KLRG1: variants seen among roughly 807,000 people sequenced by gnomAD.
The protein encoded by KLRG1 is killer cell lectin-like receptor subfamily G member 1.
A neutral mutation model predicts 21.8 loss-of-function variants in KLRG1; 16 were observed. That is an observed-to-expected ratio of 0.73 (90% confidence interval 0.50 to 1.11). The LOEUF (loss-of-function observed/expected upper bound fraction) is 1.11, where lower values mean the gene tolerates loss of function less well. Ranked by LOEUF, KLRG1 falls within the 50% of genes most tolerant of loss-of-function variation. The probability of loss-of-function intolerance (pLI) is 0.00; values close to 1 mark genes in which losing one functional copy is unlikely to be tolerated. For synonymous variants in KLRG1, 69 were observed against 75.9 expected (o/e 0.91, Z 0.47); for missense variants, 173 against 218.3 (o/e 0.79, Z 1.31).
chr12:9,069,862 T>C, the KLRG1 span: 1 of 1,552,196 alleles, frequency 6.4e-7, no homozygotes, highest in African/African-American at 1.4e-5. Context: ...ATGAAACCCC[T>C]GGGGGATCCA....
At chr12:9,196,967 G>T in the KLRG1 span, 29 of 1,381,314 alleles carry the variant, frequency 2.1e-5, no homozygotes, top group Non-Finnish European at 2.8e-5. Context: ...GAGTCTCACT[G>T]GTTGTAAACA....
At chr12:9,017,716 G>A in the KLRG1 span, among the ~76,000 whole-genome samples, 1 of 152,114 alleles carries the variant, frequency 6.6e-6, no homozygotes, top group East Asian at 1.9e-4. Context: ...TGACAAGGAT[G>A]CCCATTTTCA....
At chr12:9,111,900 T>A in the KLRG1 span, 1 of 560,362 alleles carries the variant, frequency 1.8e-6, no homozygotes, top group South Asian at 1.6e-5. Context: ...ATCTTTCTAA[T>A]TGTCCTAATT....
chr12:9,071,116 G>A, the KLRG1 span, among the ~76,000 whole-genome samples: 3 of 152,218 alleles, frequency 2.0e-5, no homozygotes, highest in South Asian at 2.1e-4. Context: ...CACCACGCCC[G>A]GCTGAGGATC....
chr12:9,168,862 G>C, the KLRG1 span: 1 of 1,599,004 alleles, frequency 6.3e-7, no homozygotes, highest in East Asian at 2.2e-5. Context: ...GCAAATTGCT[G>C]TTTTACCTCC....
the KLRG1 span, chr12:9,093,535 C>CA: frequency 1.2e-6 from 2 of 1,612,924 alleles, no homozygotes; most frequent in African/African-American, 2.7e-5. Flanking sequence ...TGAGGCTCTT[C>CA]AACATGCACC....
the KLRG1 span, among the ~76,000 whole-genome samples, chr12:9,114,965 G>C: frequency 6.6e-6 from 1 of 152,096 alleles, no homozygotes; most frequent in Non-Finnish European, 1.5e-5. Context: ...ATGATGAGCT[G>C]TTTTTTCCCC....
intron 3 of KLRG1, among the ~76,000 whole-genome samples, chr12:9,002,043 C>G (rs1947321526): frequency 6.6e-6 from 1 of 151,902 alleles, no homozygotes; most frequent in Non-Finnish European, 1.5e-5. Context: ...TCCACTATTG[C>G]TTAAATCTTT....
the KLRG1 span, chr12:9,168,948 G>A: frequency 6.2e-7 from 1 of 1,613,850 alleles, no homozygotes; most frequent in East Asian, 2.2e-5. Context: ...GGATTTTTGA[G>A]TTAGTGAACA....
the KLRG1 span, chr12:9,027,856 C>A: frequency 1.1e-6 from 1 of 924,254 alleles, no homozygotes; most frequent in Non-Finnish European, 1.8e-6. Flanking sequence ...TTGTCACTCC[C>A]ACCAAAACCA....
At chr12:9,068,017 C>A in the KLRG1 span, 1 of 984,648 alleles carries the variant, frequency 1.0e-6, no homozygotes, top group Non-Finnish European at 1.5e-6. Context: ...TGAGGTTTGA[C>A]AGAGTCAGCG....
chr12:9,075,070 C>G, the KLRG1 span, among the ~76,000 whole-genome samples: 2 of 152,156 alleles, frequency 1.3e-5, no homozygotes, highest in African/African-American at 4.8e-5. Flanking sequence ...CTCATTGAGT[C>G]TGGCTATTTC....
At chr12:9,122,776 T>G in the KLRG1 span, among the ~76,000 whole-genome samples, 2 of 152,162 alleles carry the variant, frequency 1.3e-5, no homozygotes, top group Non-Finnish European at 1.5e-5. Flanking sequence ...GTAGCTTTCA[T>G]AATTCATTTA....
the KLRG1 span, chr12:9,157,148 T>C: frequency 6.2e-7 from 1 of 1,601,780 alleles, no homozygotes; most frequent in Non-Finnish European, 8.5e-7. Context: ...TTCTCATTGT[T>C]CAGCTCCCAC....
chr12:9,141,366 A>G, the KLRG1 span, among the ~76,000 whole-genome samples: 1 of 152,222 alleles, frequency 6.6e-6, no homozygotes, highest in African/African-American at 2.4e-5. Context: ...TCAATTTTTA[A>G]TAGAACCTTG....
the KLRG1 span, chr12:9,127,970 C>T: frequency 3.2e-6 from 1 of 315,448 alleles, no homozygotes; most frequent in South Asian, 3.1e-5. Flanking sequence ...TTGACACCCG[C>T]CGCCTGGCTG....
chr12:9,124,750 A>C, the KLRG1 span, among the ~76,000 whole-genome samples: 1 of 152,148 alleles, frequency 6.6e-6, no homozygotes, highest in Admixed American at 6.5e-5. Context: ...GCCTGCTCCA[A>C]TCTTGGGGCT....
At chr12:9,020,103 A>G in the KLRG1 span, among the ~76,000 whole-genome samples, 1 of 150,824 alleles carries the variant, frequency 6.6e-6, no homozygotes, top group Non-Finnish European at 1.5e-5. Context: ...AATTTTAGGG[A>G]TGGGGTCTTG....
the KLRG1 span, chr12:9,099,611 G>A: frequency 4.2e-6 from 6 of 1,427,486 alleles, no homozygotes; most frequent in African/African-American, 8.6e-5. Flanking sequence ...AACAGTAGAT[G>A]TAACAAATGG....
Sources: gnomAD v4.1 joint callset for allele counts (sites outside exome capture counted in the v4.1 genomes callset) on GRCh38, gnomAD v4.1.1 for gene constraint, MANE v1.5 for transcripts, NCBI Gene and HGNC (gene_info 2026-07-23, HGNC 2026-07-21) for gene names.